Variants in CRACD observed in about 807,000 individuals in gnomAD.
The protein encoded by CRACD is capping protein inhibiting regulator of actin dynamics, also known as capping protein-inhibiting regulator of actin dynamics.
Under a neutral mutation model 106.8 loss-of-function variants are expected in CRACD, and 56 were observed. The ratio of observed to expected loss-of-function variants is 0.52; its 90% CI spans 0.42 to 0.66. The LOEUF is 0.66. Ranked by LOEUF, CRACD falls within the 30% of genes least tolerant of loss-of-function variation. The pLI is 0.00. For missense variants in CRACD, 1,730 were observed against 1,623.2 expected (o/e 1.07, Z -1.13); for synonymous variants, 754 against 670.8 (o/e 1.12, Z -1.92).
Position 56,269,562 on chromosome 4 carries a change from C to CT in CRACD, c.-188-2738dup, listed in dbSNP as rs56162079. 4.9e-3 allele frequency among the ~76,000 whole-genome samples: 546 copies of CT among 112,110 alleles called. 7 individuals carry two copies. The highest frequency in any genetic ancestry group is 0.012 in the Admixed American group (131 of 10,816). The allele number at this position is 112,110 out of a possible 152,430, so 73.5% of individuals were successfully genotyped here. On this transcript the variant is annotated intron_variant, in intron 2 of 10. Coordinates refer to ENST00000682029, the MANE Select transcript of CRACD (RefSeq NM_001393381.1). ...GAGCAAGGTCGGGGGAGGTGCCACA[C>CT]TTTTTTTTTTTTTTTTTTTTTGAGA...
intron 1 of CRACD, among the ~76,000 whole-genome samples, chr4:56,051,304 A>G (rs969467913): frequency 3.3e-5 from 5 of 152,230 alleles, no homozygotes; most frequent in African/African-American, 7.2e-5. Context: ...CTGTGTGCCA[A>G]CAACTGTGTA....
intron 1 of CRACD, among the ~76,000 whole-genome samples, chr4:56,159,264 T>G (rs1254978823): frequency 6.6e-6 from 1 of 152,208 alleles, no homozygotes; most frequent in Non-Finnish European, 1.5e-5. Flanking sequence ...AAATAAAAAT[T>G]TATACATTTA....
chr4:56,065,552 G>C (rs898783052), intron 1 of CRACD, among the ~76,000 whole-genome samples: 1 of 152,134 alleles, frequency 6.6e-6, no homozygotes, highest in Non-Finnish European at 1.5e-5. Context: ...TGCAACCTCC[G>C]GTGAGGTACA....
chr4:56,186,883 G>T (rs1737115437), intron 2 of CRACD, among the ~76,000 whole-genome samples: 2 of 152,138 alleles, frequency 1.3e-5, no homozygotes, highest in South Asian at 4.1e-4. Flanking sequence ...GCAACATAGT[G>T]AGACCTCATC....
intron 1 of CRACD, among the ~76,000 whole-genome samples, chr4:56,171,355 T>A (rs898840800): frequency 6.6e-6 from 1 of 151,748 alleles, no homozygotes; most frequent in African/African-American, 2.4e-5. Context: ...CAAAAGAGTA[T>A]GTAAAAACAA....
Position 56,241,508 on chromosome 4 carries a change from C to T in CRACD, c.-188-30813C>T, listed in dbSNP as rs184483308. ...GGGACTTCTGTTTCTCTTTGGAAACCGGCATTTCTCTTATTCATTTAATAA... is the reference window on the plus strand; with the variant it reads ...GGGACTTCTGTTTCTCTTTGGAAACTGGCATTTCTCTTATTCATTTAATAA... On this transcript the variant is annotated intron_variant, in intron 2 of 10. Coordinates refer to ENST00000682029, the MANE Select transcript of CRACD (RefSeq NM_001393381.1). Among the ~76,000 whole-genome samples the T allele has an allele frequency of 6.8e-4, 104 of 152,036 alleles. 1 individual carries two copies. Among genetic ancestry groups the T allele is most frequent in the Non-Finnish European group, 1.0e-3 (69 of 68,004 alleles).
chr4:56,171,234 T>C (rs1220349939), intron 1 of CRACD, among the ~76,000 whole-genome samples: 1 of 151,604 alleles, frequency 6.6e-6, no homozygotes, highest in Non-Finnish European at 1.5e-5. Context: ...CTGCACGTTG[T>C]GCACATTTAC....
chr4:56,165,827 G>A (rs554475183), intron 1 of CRACD, among the ~76,000 whole-genome samples: 44 of 152,100 alleles, frequency 2.9e-4, no homozygotes, highest in African/African-American at 1.1e-3. Flanking sequence ...GAGTTCAAAT[G>A]GAGAGAGCAA....
At chr4:56,054,424 C>A (rs1189448930) in intron 1 of CRACD, among the ~76,000 whole-genome samples, 1 of 152,170 alleles carries the variant, frequency 6.6e-6, no homozygotes, top group African/African-American at 2.4e-5. Flanking sequence ...GATCTACCTG[C>A]CTTGCCTCAG....
intron 2 of CRACD, among the ~76,000 whole-genome samples, chr4:56,182,446 C>A (rs950559349): frequency 6.1e-5 from 9 of 148,644 alleles, no homozygotes; most frequent in South Asian, 2.1e-4. Flanking sequence ...AAAAAAAAAA[C>A]CAGCCAGGTC....
chr4:56,155,581 G>A (rs1181268798), intron 1 of CRACD, among the ~76,000 whole-genome samples: 1 of 152,162 alleles, frequency 6.6e-6, no homozygotes, highest in Non-Finnish European at 1.5e-5. Context: ...TATCCTATCA[G>A]GTAGGATTAT....
At chr4:56,139,356 C>T (rs1199489904) in intron 1 of CRACD, among the ~76,000 whole-genome samples, 1 of 152,106 alleles carries the variant, frequency 6.6e-6, no homozygotes, top group Non-Finnish European at 1.5e-5. Flanking sequence ...TTTCTTTCCC[C>T]TCTCTCTTCA....
At chr4:56,053,354 A>G (rs139254865) in intron 1 of CRACD, among the ~76,000 whole-genome samples, 1 of 152,240 alleles carries the variant, frequency 6.6e-6, no homozygotes, top group East Asian at 1.9e-4. Flanking sequence ...TCCTATGTGT[A>G]TTTGTAGCAG....
chr4:56,318,640 TCA>T (rs1560541081), intron 8 of CRACD, among the ~76,000 whole-genome samples: 1 of 152,328 alleles, frequency 6.6e-6, no homozygotes, highest in Non-Finnish European at 1.5e-5. Context: ...TTCTGGGCTG[TCA>T]CACTCTGCTA....
At chr4:56,232,318 C>A (rs151147880) in intron 2 of CRACD, among the ~76,000 whole-genome samples, 2 of 152,214 alleles carry the variant, frequency 1.3e-5, no homozygotes, top group East Asian at 3.9e-4. Context: ...TCTAACATTC[C>A]TTTTTATTGC....
chr4:56,085,096 A>G (rs974058577), intron 1 of CRACD, among the ~76,000 whole-genome samples: 1 of 152,054 alleles, frequency 6.6e-6, no homozygotes, highest in African/African-American at 2.4e-5. Context: ...TTTGGCATGA[A>G]CAGATCATAC....
chr4:56,114,709 A>G (rs1164123557), intron 1 of CRACD, among the ~76,000 whole-genome samples: 2 of 152,218 alleles, frequency 1.3e-5, no homozygotes, highest in African/African-American at 4.8e-5. Context: ...AAAGTAAAAT[A>G]GAAAAGACTA....
chr4:56,118,022 G>A (rs1231735998), intron 1 of CRACD, among the ~76,000 whole-genome samples: 1 of 152,186 alleles, frequency 6.6e-6, no homozygotes, highest in Non-Finnish European at 1.5e-5. Flanking sequence ...GCCTCCTAAA[G>A]TGCTGGGATT....
chr4:56,053,088 A>G (rs1033431548), intron 1 of CRACD, among the ~76,000 whole-genome samples: 5 of 152,170 alleles, frequency 3.3e-5, no homozygotes, highest in African/African-American at 9.7e-5. Context: ...TGAGCATCCA[A>G]AGGTTTAATA....
Sources: allele counts gnomAD v4.1 joint callset (sites outside exome capture counted in the v4.1 genomes callset), GRCh38; gene constraint gnomAD v4.1.1; transcripts MANE v1.5; gene names NCBI Gene and HGNC (gene_info 2026-07-23, HGNC 2026-07-21).